WWOX: variants seen among roughly 807,000 people sequenced by gnomAD.
WWOX encodes the protein WW domain-containing oxidoreductase.
In WWOX, 69 loss-of-function variants were observed where a neutral mutation model predicts 46.2. The ratio of observed to expected loss-of-function variants is 1.49; its 90% CI spans 1.23 to 1.82. The LOEUF (loss-of-function observed/expected upper bound fraction) is 1.82, where lower values mean the gene tolerates loss of function less well. Among genes scored for constraint, WWOX ranks in the 40% most tolerant of loss-of-function variants. The probability of loss-of-function intolerance (pLI) is 0.00; values close to 1 mark genes in which losing one functional copy is unlikely to be tolerated. For synonymous variants in WWOX, 359 were observed against 202.6 expected (o/e 1.77, Z -6.56); for missense variants, 919 against 542.6 (o/e 1.69, Z -6.89).
intron 5 of WWOX, among the ~76,000 whole-genome samples, chr16:78,200,597 A>G (rs553009947): frequency 4.4e-4 from 64 of 147,006 alleles, no homozygotes; most frequent in Non-Finnish European, 8.1e-4. Flanking sequence ...TTTTTTTTTT[A>G]AATCAGTTAA....
intron 8 of WWOX, among the ~76,000 whole-genome samples, chr16:78,848,262 C>T (rs972867400): frequency 6.6e-6 from 1 of 152,206 alleles, no homozygotes; most frequent in Non-Finnish European, 1.5e-5. Context: ...GGCTCCCAAT[C>T]AGTGCTGCTT....
intron 8 of WWOX, among the ~76,000 whole-genome samples, chr16:79,114,568 G>A (rs1210246940): frequency 6.6e-6 from 1 of 151,992 alleles, no homozygotes; most frequent in South Asian, 2.1e-4. Context: ...GCAAGGATAT[G>A]TTCTGCCCTA....
chr16:79,023,360 G>T (rs920632531), intron 8 of WWOX, among the ~76,000 whole-genome samples: 2 of 152,214 alleles, frequency 1.3e-5, no homozygotes, highest in African/African-American at 4.8e-5. Context: ...GTTCTAGGGG[G>T]AGATGAGGAA....
chr16:79,209,294 A>G (rs2051630649), intron 8 of WWOX, among the ~76,000 whole-genome samples: 1 of 152,256 alleles, frequency 6.6e-6, no homozygotes, highest in Admixed American at 6.5e-5. Context: ...ATGGGACTGC[A>G]GAATTTCTTA....
At chr16:78,208,158 T>C (rs1198227971) in intron 5 of WWOX, among the ~76,000 whole-genome samples, 1 of 152,216 alleles carries the variant, frequency 6.6e-6, no homozygotes. Flanking sequence ...CAATGTTTTA[T>C]TCCTTCGTGG....
intron 5 of WWOX, among the ~76,000 whole-genome samples, chr16:78,383,370 G>T (rs545887117): frequency 6.6e-6 from 1 of 152,194 alleles, no homozygotes; most frequent in Admixed American, 6.5e-5. Flanking sequence ...GCCATGTTTT[G>T]TGAATCTATA....
At chr16:79,154,920 G>A (rs1024827246) in intron 8 of WWOX, among the ~76,000 whole-genome samples, 1 of 152,162 alleles carries the variant, frequency 6.6e-6, no homozygotes, top group African/African-American at 2.4e-5. Flanking sequence ...AAAAATGAAA[G>A]AAAGAAAGAA....
intron 8 of WWOX, among the ~76,000 whole-genome samples, chr16:78,838,784 A>G (rs1229353901): frequency 1.3e-5 from 2 of 152,192 alleles, no homozygotes; most frequent in African/African-American, 4.8e-5. Context: ...CAGAGGTTGC[A>G]GTGAGCCCAG....
intron 5 of WWOX, among the ~76,000 whole-genome samples, chr16:78,316,577 A>G (rs951262297): frequency 6.6e-6 from 1 of 152,078 alleles, no homozygotes; most frequent in Admixed American, 6.6e-5. Flanking sequence ...TCCTGGCCTC[A>G]GGTGTTCTGC....
chr16:78,903,211 A>G (rs2044873382), intron 8 of WWOX, among the ~76,000 whole-genome samples: 2 of 152,170 alleles, frequency 1.3e-5, no homozygotes, highest in Admixed American at 6.5e-5. Flanking sequence ...CACCCCTTAT[A>G]AATGAAGTGG....
intron 8 of WWOX, among the ~76,000 whole-genome samples, chr16:78,831,451 C>T (rs887959495): frequency 1.3e-5 from 2 of 152,138 alleles, no homozygotes; most frequent in South Asian, 2.1e-4. Context: ...AAAATGGGTG[C>T]TCTAGGGAGA....
chr16:78,828,311 C>A (rs2051719088), intron 8 of WWOX, among the ~76,000 whole-genome samples: 1 of 151,942 alleles, frequency 6.6e-6, no homozygotes, highest in African/African-American at 2.4e-5. Flanking sequence ...AATCCAGGGG[C>A]CAGGCAAAAA....
intron 5 of WWOX, among the ~76,000 whole-genome samples, chr16:78,317,633 G>T (rs1164755043): frequency 6.6e-6 from 1 of 152,080 alleles, no homozygotes; most frequent in African/African-American, 2.4e-5. Flanking sequence ...AGAAAAATCT[G>T]GTGTTTTTTC....
At chr16:78,629,074 A>G (rs1257676586) in intron 8 of WWOX, among the ~76,000 whole-genome samples, 2 of 152,178 alleles carry the variant, frequency 1.3e-5, no homozygotes, top group Admixed American at 6.5e-5. Context: ...TTGTGCTTAC[A>G]TATTTCAAAA....
intron 8 of WWOX, among the ~76,000 whole-genome samples, chr16:78,913,900 A>G (rs528260363): frequency 1.3e-5 from 2 of 152,026 alleles, no homozygotes; most frequent in South Asian, 4.2e-4. Context: ...GCCTCAAGTG[A>G]TCCTCCTGCC....
rs117661322 is a variant in WWOX, at chr16:78,540,900, G to A, written c.1056+108148G>A. Among the ~76,000 whole-genome samples the A allele has an allele frequency of 1.8e-4, 27 of 152,210 alleles. No homozygotes were observed. The East Asian group carries it at 4.5e-3, about 25-fold the overall frequency. On this transcript the variant is annotated intron_variant, in intron 8 of 8. Coordinates refer to ENST00000566780, the MANE Select transcript of WWOX (RefSeq NM_016373.4). ...AGAGCCTCACTTTGCTGCCTAGGCT[G>A]ATCTAGAACTCCTGGCTTCAAGTGA...
chr16:78,650,709 T>G (rs761382633), intron 8 of WWOX, among the ~76,000 whole-genome samples: 21 of 152,214 alleles, frequency 1.4e-4, no homozygotes, highest in Non-Finnish European at 2.4e-4. Flanking sequence ...CTTTTAGGAA[T>G]TCCATTCACA....
At chr16:78,539,222 C>T (rs2151523887) in intron 8 of WWOX, among the ~76,000 whole-genome samples, 1 of 152,290 alleles carries the variant, frequency 6.6e-6, no homozygotes. Context: ...TTCAACTGAA[C>T]TATGGTGGTT....
chr16:78,567,541 A>C (rs1482144417), intron 8 of WWOX, among the ~76,000 whole-genome samples: 6 of 125,144 alleles, frequency 4.8e-5, no homozygotes, highest in African/African-American at 2.0e-4. Context: ...CGACAGAAGG[A>C]GACTCCGTCT....
Sources: allele counts gnomAD v4.1 joint callset (sites outside exome capture counted in the v4.1 genomes callset), GRCh38; gene constraint gnomAD v4.1.1; transcripts MANE v1.5; gene names NCBI Gene and HGNC (gene_info 2026-07-23, HGNC 2026-07-21).